SLC22A2: variants seen among roughly 807,000 people sequenced by gnomAD.
The protein encoded by SLC22A2 is organic cation transporter 2.
A neutral mutation model predicts 60.5 loss-of-function variants in SLC22A2; 46 were observed. The observed-to-expected ratio is 0.76, with a 90% CI of 0.60 to 0.97. The LOEUF is 0.97. Ranked by LOEUF, SLC22A2 falls within the 50% of genes least tolerant of loss-of-function variation. The pLI is 0.00. For missense variants in SLC22A2, 701 were observed against 706.6 expected, an observed-to-expected ratio of 0.99 and a Z score of 0.09; for synonymous variants, 303 against 267.0, an observed-to-expected ratio of 1.13 and a Z score of -1.31.
Position 160,243,673 on chromosome 6 carries a change from A to C in SLC22A2, c.1178T>G (p.Met393Arg), listed in dbSNP as rs141205337. 2 of 1,614,090 alleles carry C rather than the reference A, an allele frequency of 1.2e-6. No individual in the cohort carries two copies. The highest frequency in any genetic ancestry group is 1.7e-6 in the Non-Finnish European group (2 of 1,179,958). Residue 393 changes from methionine (M) to arginine (R), a missense_variant, in exon 7 of 11, where the codon ATG (methionine) becomes AGG (arginine). By Grantham distance (91) the Met-to-Arg change is moderately conservative. Coordinates refer to ENST00000366953, the MANE Select transcript of SLC22A2 (RefSeq NM_003058.4). Reference protein sequence around the residue: ...SALVEFPAAFMIILTIDRIGR... With the variant: ...SALVEFPAAFRIILTIDRIGR... ...GATGCGGTCGATGGTGAGGATGATC[A>C]TGAAGGCAGCTGGGAATTCAACCAG... is the stretch of plus-strand genomic sequence containing the variant.
chr6:160,251,105 GTTTTCACT>G (rs1176916871), intron 2 of SLC22A2, among the ~76,000 whole-genome samples: 4 of 152,170 alleles, frequency 2.6e-5, no homozygotes. Flanking sequence ...ACCCAAGAAT[GTTTTCACT>G]TTTTCACTTT....
chr6:160,256,846 G>C (rs1295888631), intron 1 of SLC22A2, 129 bp from the exon 2 acceptor site: 1 of 620,840 alleles, frequency 1.6e-6, no homozygotes, highest in African/African-American at 1.9e-5. Context: ...TAGTTAAGTG[G>C]CAATAAGCCA....
Position 160,248,818 on chromosome 6 carries a change from G to A in SLC22A2, c.842+398C>T, listed in dbSNP as rs540378849. ...CCTTGGGCATGAGTATTGGGAAATGGTGACACAAGTGCCATGCTCTGCTTT... is the reference window on the plus strand; with the variant it reads ...CCTTGGGCATGAGTATTGGGAAATGATGACACAAGTGCCATGCTCTGCTTT... On this transcript the variant is annotated intron_variant, in intron 4 of 10. Transcript: ENST00000366953. Among the ~76,000 whole-genome samples, 6 of 152,328 alleles carry A rather than the reference G, an allele frequency of 3.9e-5. No homozygotes were observed. In the South Asian group the frequency reaches 1.2e-3, roughly 32 times the overall value.
chr6:160,219,093 T>G (rs62637551), intron 10 of SLC22A2, among the ~76,000 whole-genome samples: 273 of 6,514 alleles, frequency 0.042, no homozygotes, highest in African/African-American at 0.049. Context: ...TCAGCAACAA[T>G]AACAGCAACA....
intron 10 of SLC22A2, among the ~76,000 whole-genome samples, chr6:160,222,825 T>C (rs1782664923): frequency 6.6e-6 from 1 of 152,180 alleles, no homozygotes; most frequent in Non-Finnish European, 1.5e-5. Flanking sequence ...CAAGAGGAAA[T>C]ATCTTCTCAG....
intron 10 of SLC22A2, among the ~76,000 whole-genome samples, chr6:160,224,184 C>T (rs1782686879): frequency 6.6e-6 from 1 of 152,082 alleles, no homozygotes; most frequent in Non-Finnish European, 1.5e-5. Context: ...GTTATTAGTG[C>T]AGTGTTAATT....
rs1783166296 is a variant in SLC22A2 at position 160,250,557 on chromosome 6, A to C, written c.664T>G (p.Tyr222Asp). ...GCACAAACATTCTTACTCAGGATGT[A>C]GCCTATTAACCAGCCTGCTTTGCTG... The part of the protein sequence containing the change: ...LVSKAGWLIG[Y>D]ILITEFVGRR... The change falls in exon 3 of 11, where the codon TAC becomes GAC. Residue 222 changes from tyrosine to aspartate, a missense_variant. Physicochemically the swap from Tyr to Asp is radical, Grantham distance 160. Coordinates refer to ENST00000366953, the MANE Select transcript of SLC22A2 (RefSeq NM_003058.4). 1.2e-6 allele frequency: 2 copies of C among 1,614,078 alleles called. No homozygotes were observed. Among genetic ancestry groups the C allele is most frequent in the Non-Finnish European group, 1.7e-6 (2 of 1,179,940 alleles).
chr6:160,236,030 AC>A (rs1403453442), intron 9 of SLC22A2, among the ~76,000 whole-genome samples: 2 of 152,330 alleles, frequency 1.3e-5, no homozygotes, highest in South Asian at 4.1e-4. Flanking sequence ...AATGTGTGCT[AC>A]AGAAGTAACA....
Position 160,241,523 on chromosome 6 carries a change from C to G in SLC22A2, c.1452G>C (p.Leu484=). The G allele has an allele frequency of 6.2e-7, 1 of 1,613,728 alleles. No individual in the cohort carries two copies. The highest frequency in any genetic ancestry group is 8.5e-7 in the Non-Finnish European group (1 of 1,179,772). ...CDIGGIITPF[L]VYRLTNIWLE... is the part of the protein sequence containing the mutation. ...GCCAGATGTTAGTGAGCCGGTAGACCAGGAATGGCGTGATGATGCCACCAA... is the reference window on the plus strand; with the variant it reads ...GCCAGATGTTAGTGAGCCGGTAGACGAGGAATGGCGTGATGATGCCACCAA... Residue 484 remains leucine, a synonymous_variant, in exon 9 of 11, where the codon CTG becomes CTC. Transcript: ENST00000366953.
At chr6:160,228,335 G>A (rs1417610700) in intron 9 of SLC22A2, among the ~76,000 whole-genome samples, 1 of 152,168 alleles carries the variant, frequency 6.6e-6, no homozygotes, top group Non-Finnish European at 1.5e-5. Flanking sequence ...GGTAAAGGAC[G>A]TGATTGGGTT....
chr6:160,244,638 C>T (rs1207219300), intron 6 of SLC22A2: 2 of 152,102 alleles, frequency 1.3e-5, no homozygotes, highest in Non-Finnish European at 2.9e-5. Flanking sequence ...TGAGGATAAT[C>T]AACAAAAGTC....
In SLC22A2 at chr6:160,249,367, G is replaced by A. The variant is rs371586429; in HGVS notation, c.691C>T (p.Arg231Trp). ...ATCCCCACTGTTCTCCGATATCTCC[G>A]CCCAACAAATTCTGTAACTGCAGAG... is the stretch of plus-strand genomic sequence containing the variant. ...GYILITEFVG[R>W]RYRRTVGIFY... Residue 231 changes from arginine (R) to tryptophan (W), a missense_variant, in exon 4 of 11, where the codon CGG becomes TGG. Physicochemically the swap from Arg to Trp is moderately radical, Grantham distance 101. Coordinates refer to ENST00000366953, the MANE Select transcript of SLC22A2 (RefSeq NM_003058.4). The A allele has an allele frequency of 2.1e-5, 34 of 1,612,978 alleles. No individual in the cohort carries two copies. The highest frequency in any genetic ancestry group is 1.6e-4 in the Middle Eastern group (1 of 6,078).
chr6:160,256,748 G>A (rs1189541371), intron 1 of SLC22A2, 31 bp from the exon 2 acceptor site: 1 of 1,428,394 alleles, frequency 7.0e-7, no homozygotes, highest in Non-Finnish European at 9.9e-7. Context: ...TTCCAAGTTG[G>A]GAGAGAAAGG....
At chr6:160,243,871 T>G in intron 6 of SLC22A2, 85 bp from the exon 7 acceptor site, 1 of 892,392 alleles carries the variant, frequency 1.1e-6, no homozygotes, top group Non-Finnish European at 1.8e-6. Flanking sequence ...ATAATGTGGA[T>G]TGTAGGTCAC....
At chr6:160,240,485 T>C (rs1010465257) in intron 9 of SLC22A2, among the ~76,000 whole-genome samples, 2 of 152,174 alleles carry the variant, frequency 1.3e-5, no homozygotes, top group South Asian at 2.1e-4. Context: ...AAAATTCTTG[T>C]CTACAGGAGG....
chr6:160,245,348 G>T, intron 6 of SLC22A2, 91 bp downstream of exon 6: 1 of 690,050 alleles, frequency 1.4e-6, no homozygotes. Context: ...CGCTAATACC[G>T]GGATGAGGTC....
chr6:160,252,518 GAGACTCC>G, intron 2 of SLC22A2, among the ~76,000 whole-genome samples: 1 of 152,210 alleles, frequency 6.6e-6, no homozygotes, highest in East Asian at 1.9e-4. Flanking sequence ...ATAGAGGTCT[GAGACTCC>G]TCCTACCCCT....
intron 2 of SLC22A2, among the ~76,000 whole-genome samples, chr6:160,255,241 TG>T: frequency 6.6e-6 from 1 of 152,162 alleles, no homozygotes; most frequent in East Asian, 1.9e-4. Flanking sequence ...TTAATAACCA[TG>T]GGTGATGGAT....
At chr6:160,242,040 A>G in intron 8 of SLC22A2, among the ~76,000 whole-genome samples, 1 of 152,010 alleles carries the variant, frequency 6.6e-6, no homozygotes, top group East Asian at 1.9e-4. Context: ...CTGTTCCACA[A>G]CAATCTCCCC....
Sources: allele counts gnomAD v4.1 joint callset (sites outside exome capture counted in the v4.1 genomes callset), GRCh38; gene constraint gnomAD v4.1.1; transcripts MANE v1.5; gene names NCBI Gene and HGNC (gene_info 2026-07-23, HGNC 2026-07-21).